Variants in CSMD1 observed in about 807,000 individuals in gnomAD.
The protein encoded by CSMD1 is CUB and Sushi multiple domains 1.
A neutral mutation model predicts 417.5 loss-of-function variants in CSMD1; 213 were observed. The ratio of observed to expected loss-of-function variants is 0.51; its 90% confidence interval spans 0.46 to 0.57. CSMD1 has a LOEUF of 0.57. CSMD1 is among the 20% of genes least tolerant of loss of function. The probability of loss-of-function intolerance (pLI) is 0.00; values close to 1 mark genes in which losing one functional copy is unlikely to be tolerated. For synonymous variants in CSMD1, 2,862 were observed against 1,736.8 expected (o/e 1.65, Z -16.11); for missense variants, 6,923 against 4,529.7 (o/e 1.53, Z -15.17).
intron 20 of CSMD1, among the ~76,000 whole-genome samples, chr8:3,366,796 G>T (rs114774598): frequency 1.3e-5 from 2 of 152,160 alleles, no homozygotes; most frequent in Non-Finnish European, 2.9e-5. Flanking sequence ...TCAAAGACGA[G>T]AATTCACAAA....
chr8:4,186,867 G>C (rs1005457413), intron 3 of CSMD1, among the ~76,000 whole-genome samples: 1 of 151,528 alleles, frequency 6.6e-6, no homozygotes, highest in South Asian at 2.1e-4. Flanking sequence ...GTGGTGTTGA[G>C]TGCCTGTAGT....
intron 1 of CSMD1, among the ~76,000 whole-genome samples, chr8:4,746,557 C>A (rs1490367651): frequency 6.6e-6 from 1 of 152,100 alleles, no homozygotes; most frequent in East Asian, 1.9e-4. Flanking sequence ...AAGGGCTTGC[C>A]CAAGTGAGAA....
intron 11 of CSMD1, among the ~76,000 whole-genome samples, chr8:3,484,570 G>C (rs1265883084): frequency 2.0e-5 from 3 of 152,146 alleles, no homozygotes. Context: ...TGGCCTTTAT[G>C]GGAAAGCCCA....
In CSMD1 at chr8:4,988,518, C is replaced by T. The variant is rs1417515554; in HGVS notation, c.85+5814G>A. Among the ~76,000 whole-genome samples, 4 of 152,270 alleles carry T rather than the reference C, an allele frequency of 2.6e-5. No individual in the cohort carries two copies. In the East Asian group the frequency reaches 5.8e-4, roughly 22 times the overall value. Reference sequence around the variant, plus strand: ...TTTAGATGGGGATAAATGTTGCCACCGTAGGTCAAAGTGACACTGACTCTA... The same window carrying T: ...TTTAGATGGGGATAAATGTTGCCACTGTAGGTCAAAGTGACACTGACTCTA... On this transcript the variant is annotated intron_variant, in intron 1 of 69. Transcript: ENST00000635120.
intron 3 of CSMD1, among the ~76,000 whole-genome samples, chr8:4,285,434 A>T (rs1797007889): frequency 6.6e-6 from 1 of 152,200 alleles, no homozygotes. Context: ...AGAAACACCT[A>T]GACAAGGGTA....
At chr8:4,138,103 G>C (rs1225082767) in intron 3 of CSMD1, among the ~76,000 whole-genome samples, 13 of 101,116 alleles carry the variant, frequency 1.3e-4, no homozygotes, top group African/African-American at 4.1e-4. Flanking sequence ...TTTTAGTAGA[G>C]ACGCGGTTTC....
intron 2 of CSMD1, among the ~76,000 whole-genome samples, chr8:4,423,996 G>T (rs1214466200): frequency 6.6e-6 from 1 of 151,904 alleles, no homozygotes. Context: ...TGGATCAATT[G>T]GATGTCCATA....
Position 3,778,700 on chromosome 8 carries a change from C to G in CSMD1, c.819-24658G>C, listed in dbSNP as rs966748744. On this transcript the variant is annotated intron_variant, in intron 5 of 69. Coordinates refer to ENST00000635120, the MANE Select transcript of CSMD1 (RefSeq NM_033225.6). ...TGCAGTTTCAGAGCTGGCCAAAGAT[C>G]ATCTTCCGAGCACCGCTTCCTTTCT... Among the ~76,000 whole-genome samples, 12 of 152,332 alleles carry G rather than the reference C, an allele frequency of 7.9e-5. 1 individual carries two copies. Among genetic ancestry groups the G allele is most frequent in the Middle Eastern group, 3.4e-3 (1 of 294 alleles).
At chr8:3,539,288 C>G (rs923132158) in intron 10 of CSMD1, among the ~76,000 whole-genome samples, 1 of 152,132 alleles carries the variant, frequency 6.6e-6, no homozygotes, top group Non-Finnish European at 1.5e-5. Context: ...GGTTGTCTTC[C>G]CCCTACTGCC....
At chr8:3,370,139 A>G (rs1027432751) in intron 18 of CSMD1, among the ~76,000 whole-genome samples, 1 of 152,352 alleles carries the variant, frequency 6.6e-6, no homozygotes. Flanking sequence ...TAAGATATCA[A>G]TAATTTAACC....
intron 5 of CSMD1, among the ~76,000 whole-genome samples, chr8:3,872,020 G>A (rs541098751): frequency 6.6e-6 from 1 of 152,252 alleles, no homozygotes; most frequent in South Asian, 2.1e-4. Context: ...TGAGTATAGT[G>A]GTTAACACAT....
intron 5 of CSMD1, among the ~76,000 whole-genome samples, chr8:3,807,225 C>G (rs1235604114): frequency 6.6e-6 from 1 of 152,156 alleles, no homozygotes; most frequent in African/African-American, 2.4e-5. Context: ...CATTGATAAA[C>G]CTATATTTAA....
At chr8:3,582,072 G>A (rs1317911215) in intron 9 of CSMD1, among the ~76,000 whole-genome samples, 2 of 152,146 alleles carry the variant, frequency 1.3e-5, no homozygotes, top group Non-Finnish European at 2.9e-5. Context: ...TGGGATTACA[G>A]GCGTGAGCCA....
intron 1 of CSMD1, among the ~76,000 whole-genome samples, chr8:4,944,318 C>G (rs1382771020): frequency 6.6e-6 from 1 of 152,088 alleles, no homozygotes; most frequent in Non-Finnish European, 1.5e-5. Context: ...CAGAGCAGAC[C>G]AAGAGAAGAA....
At chr8:4,460,640 C>A (rs1433188303) in intron 2 of CSMD1, among the ~76,000 whole-genome samples, 1 of 152,026 alleles carries the variant, frequency 6.6e-6, no homozygotes, top group Non-Finnish European at 1.5e-5. Context: ...TTACTATGGA[C>A]CTTACAGATA....
At chr8:4,934,979 A>G (rs370800320) in intron 1 of CSMD1, among the ~76,000 whole-genome samples, 1 of 152,184 alleles carries the variant, frequency 6.6e-6, no homozygotes, top group East Asian at 1.9e-4. Flanking sequence ...TCATCTATCA[A>G]TCATCTGTCT....
At chr8:3,489,011 A>G (rs1182484594) in intron 11 of CSMD1, among the ~76,000 whole-genome samples, 10 of 152,310 alleles carry the variant, frequency 6.6e-5, no homozygotes, top group African/African-American at 2.4e-4. Flanking sequence ...AAGGCACTAC[A>G]TGTTTAGTGA....
At chr8:4,300,142 G>T (rs531259132) in intron 3 of CSMD1, among the ~76,000 whole-genome samples, 1 of 152,132 alleles carries the variant, frequency 6.6e-6, no homozygotes, top group African/African-American at 2.4e-5. Flanking sequence ...TGACTGCATA[G>T]TTATCTTTCA....
At chr8:4,530,509 G>A (rs1379289648) in intron 2 of CSMD1, among the ~76,000 whole-genome samples, 4 of 145,936 alleles carry the variant, frequency 2.7e-5, no homozygotes, top group Non-Finnish European at 4.5e-5. Context: ...CCGACCCCCT[G>A]ACAGGCCCCA....
Sources: gnomAD v4.1 joint callset for allele counts (sites outside exome capture counted in the v4.1 genomes callset) on GRCh38, gnomAD v4.1.1 for gene constraint, MANE v1.5 for transcripts, NCBI Gene and HGNC (gene_info 2026-07-23, HGNC 2026-07-21) for gene names.